HYKK: variants seen among roughly 807,000 people sequenced by gnomAD.
HYKK encodes 5-hydroxy-L-lysine kinase.
In HYKK, 19 loss-of-function variants were observed where a neutral mutation model predicts 29.7. The ratio of observed to expected loss-of-function variants is 0.64; its 90% CI spans 0.45 to 0.94. HYKK has a LOEUF of 0.94. HYKK is among the 40% of genes least tolerant of loss of function. HYKK has a pLI of 0.00. For synonymous variants in HYKK, 152 were observed against 158.1 expected (o/e 0.96, Z 0.29); for missense variants, 390 against 443.4 (o/e 0.88, Z 1.08).
intron 3 of HYKK, among the ~76,000 whole-genome samples, chr15:78,524,692 C>T (rs12910726): frequency 0.31 from 47,673 of 151,946 alleles, 8,528 homozygotes; most frequent in Non-Finnish European, 0.42. Flanking sequence ...GCCTGTAATC[C>T]CAGCTACTGA....
intron 4 of HYKK, among the ~76,000 whole-genome samples, chr15:78,531,071 C>T (rs914267765): frequency 1.3e-5 from 2 of 152,074 alleles, no homozygotes; most frequent in African/African-American, 2.4e-5. Context: ...CCATGTTGGT[C>T]AGGTTGGTCT....
At chr15:78,518,964 A>G (rs1050626441) in intron 3 of HYKK, among the ~76,000 whole-genome samples, 1 of 151,844 alleles carries the variant, frequency 6.6e-6, no homozygotes, top group Non-Finnish European at 1.5e-5. Flanking sequence ...TGTAAATAGT[A>G]TTCATTTATC....
rs59764444 is a variant in HYKK, at chr15:78,528,672, G to A, written c.661+1109G>A. On this transcript the variant is annotated intron_variant, in intron 4 of 4. Transcript: ENST00000388988. ...GCAAAAACTAGCTGGGCATGGTGAC[G>A]CGTGCCTGTAATCTCAGCTACTCAG... 1.9e-5 allele frequency: 6 copies of A among 323,650 alleles called. No individual in the cohort carries two copies. The Admixed American group carries it at 3.2e-4, about 17-fold the overall frequency. 20.0% of individuals were successfully genotyped at this position (323,650 alleles called of 1,614,324 possible).
At chr15:78,527,766 A>C (rs986272996) in intron 4 of HYKK, 3 of 1,314,326 alleles carry the variant, frequency 2.3e-6, no homozygotes, top group East Asian at 6.3e-5. Context: ...ACATGAGTCT[A>C]CCTCTCTTCT....
At chr15:78,518,138 C>T (rs2052155382) in intron 3 of HYKK, among the ~76,000 whole-genome samples, 1 of 152,226 alleles carries the variant, frequency 6.6e-6, no homozygotes, top group Non-Finnish European at 1.5e-5. Flanking sequence ...CCTCTCTGCA[C>T]TGCATCCTCT....
In HYKK at chr15:78,514,908, C is replaced by CTCTCTCTATATATATA. The variant is rs766004199; in HGVS notation, c.338-59_338-58insCTCTCTATATATATAT. 5.9e-4 allele frequency: 226 copies of CTCTCTCTATATATATA among 385,454 alleles called. 1 individual carries two copies. In the East Asian group the frequency reaches 0.012, roughly 21 times the overall value. The allele number at this position is 385,454 out of a possible 1,614,324, so 23.9% of individuals were successfully genotyped here. On this transcript the variant is annotated intron_variant, in intron 2 of 4. Coordinates refer to ENST00000388988, the MANE Select transcript of HYKK (RefSeq NM_001013619.4). Reference sequence around the variant, plus strand: ...TAAATACCTCTCTCTCTCTCTCTCTCTATATATATATATATATATAAATAA... The same window carrying CTCTCTCTATATATATA: ...TAAATACCTCTCTCTCTCTCTCTCTCTCTCTCTATATATATATATATATATATATATATATAAATAA...
At chr15:78,527,354 C>T in intron 3 of HYKK, 26 bp from the exon 4 acceptor site, 2 of 1,594,216 alleles carry the variant, frequency 1.3e-6, no homozygotes, top group Non-Finnish European at 8.6e-7. Flanking sequence ...TGTCAAGAGA[C>T]TAAGAATATC....
chr15:78,527,767 C>T, intron 4 of HYKK: 1 of 1,312,314 alleles, frequency 7.6e-7, no homozygotes, highest in Non-Finnish European at 9.7e-7. Context: ...CATGAGTCTA[C>T]CTCTCTTCTT....
At chr15:78,522,131 A>C (rs1266764018) in intron 3 of HYKK, among the ~76,000 whole-genome samples, 1 of 152,142 alleles carries the variant, frequency 6.6e-6, no homozygotes, top group East Asian at 1.9e-4. Flanking sequence ...TTTAAAAATA[A>C]AAATAATAAA....
chr15:78,518,075 C>T (rs2052154736), intron 3 of HYKK, among the ~76,000 whole-genome samples: 1 of 152,240 alleles, frequency 6.6e-6, no homozygotes, highest in South Asian at 2.1e-4. Flanking sequence ...TCCCCAGACT[C>T]TCAACTCTAC....
chr15:78,510,167 CTCTTTTCTT>C (rs1483429244), intron 1 of HYKK, among the ~76,000 whole-genome samples: 90 of 137,394 alleles, frequency 6.6e-4, no homozygotes, highest in Middle Eastern at 3.5e-3. Flanking sequence ...TCTCTCTTCT[CTCTTTTCTT>C]TCTTTTCTTT....
intron 3 of HYKK, among the ~76,000 whole-genome samples, chr15:78,524,157 A>G (rs1232120507): frequency 1.3e-5 from 2 of 152,222 alleles, no homozygotes; most frequent in Non-Finnish European, 2.9e-5. Flanking sequence ...GAGTTTCTCC[A>G]TGAGGGCTCC....
chr15:78,533,797 T>C lies in HYKK; in HGVS notation c.*127T>C, dbSNP rs1464344699. 3.0e-6 allele frequency: 2 copies of C among 664,872 alleles called. No homozygotes were observed. Among genetic ancestry groups the C allele is most frequent in the East Asian group, 5.4e-5 (2 of 36,912 alleles). 41.2% of individuals were successfully genotyped at this position (664,872 alleles called of 1,614,324 possible). A position where few individuals can be genotyped will look rare whatever the true frequency, so the allele number is the denominator to read the frequency against. Reference sequence around the variant, plus strand: ...TGATGGAATGGATCAATTCTGAATATGACAGAGCACATGAAATCCCTAAGG... The same window carrying C: ...TGATGGAATGGATCAATTCTGAATACGACAGAGCACATGAAATCCCTAAGG... On this transcript the variant is annotated 3_prime_UTR_variant, in exon 5 of 5. Transcript: ENST00000388988.
chr15:78,513,328 G>A lies in HYKK; in HGVS notation c.240G>A (p.Val80=). ...GCAAAAATCCAGACCTGATTGAAGT[G>A]CAGAATCACATCATCATGTTTCTGA... ...KASKNPDLIE[V]QNHIIMFLKA... Residue 80 remains valine (V), a synonymous_variant, in exon 2 of 5, where the codon GTG becomes GTA. Coordinates refer to ENST00000388988, the MANE Select transcript of HYKK (RefSeq NM_001013619.4). 2 of 1,614,144 alleles carry A rather than the reference G, an allele frequency of 1.2e-6. No homozygotes were observed. Among genetic ancestry groups the A allele is most frequent in the African/African-American group, 1.3e-5 (1 of 75,040 alleles).
rs2052266399 is a variant in HYKK at position 78,527,429 on chromosome 15, G to A, written c.527G>A (p.Trp176Ter). ...AGTCTTCATCGGGAGAACTTCATCT[G>A]GAATCTGAAAAATGTTCCTCTTCTG... is the stretch of plus-strand genomic sequence containing the variant. ...LSSLHRENFIWNLKNVPLLEK... is the reference protein window; with the variant it reads ...LSSLHRENFI The change falls in exon 4 of 5, where the codon TGG becomes TAG. Residue 176 changes from tryptophan (W) to a stop codon, truncating the protein, a stop_gained. Transcript: ENST00000388988. LOFTEE classifies it high-confidence loss of function. The A allele has an allele frequency of 1.9e-6, 3 of 1,613,888 alleles. No individual in the cohort carries two copies. The highest frequency in any genetic ancestry group is 1.7e-5 in the Admixed American group (1 of 59,986).
chr15:78,515,810 G>A (rs1018726423), intron 3 of HYKK, among the ~76,000 whole-genome samples: 3 of 151,940 alleles, frequency 2.0e-5, no homozygotes, highest in Admixed American at 6.6e-5. Context: ...GGATGGTCTC[G>A]ATCTCCTGAC....
rs2141366405 is a variant in HYKK, at chr15:78,534,058, A to G, written c.*388A>G. On this transcript the variant is annotated 3_prime_UTR_variant, in exon 5 of 5. Coordinates refer to ENST00000388988, the MANE Select transcript of HYKK (RefSeq NM_001013619.4). The stretch of plus-strand genomic sequence containing the variant: ...TTAAATATCTGGACATAACATACTG[A>G]CCTAGATAACATACTACCAGTTCTA... The G allele has an allele frequency of 6.2e-6, 1 of 161,670 alleles. No homozygotes were observed. The highest frequency in any genetic ancestry group is 2.4e-5 in the African/African-American group (1 of 41,564). The allele number at this position is 161,670 out of a possible 1,614,324, so 10.0% of individuals were successfully genotyped here.
At chr15:78,530,573 T>G (rs2052301841) in intron 4 of HYKK, among the ~76,000 whole-genome samples, 1 of 152,236 alleles carries the variant, frequency 6.6e-6, no homozygotes, top group South Asian at 2.1e-4. Context: ...CAATAGCTCC[T>G]ATGTGGCTAT....
intron 4 of HYKK, among the ~76,000 whole-genome samples, chr15:78,531,467 A>G (rs545110711): frequency 2.0e-4 from 30 of 152,280 alleles, no homozygotes; most frequent in Admixed American, 5.2e-4. Context: ...AGTATATTTT[A>G]ATCCTACTAT....
Sources: gnomAD v4.1 joint callset for allele counts (sites outside exome capture counted in the v4.1 genomes callset) on GRCh38, gnomAD v4.1.1 for gene constraint, MANE v1.5 for transcripts, NCBI Gene and HGNC (gene_info 2026-07-23, HGNC 2026-07-21) for gene names.